Variants in CNTNAP5 observed in about 807,000 individuals in gnomAD.
CNTNAP5 encodes the protein contactin associated protein family member 5.
A neutral mutation model predicts 150.2 loss-of-function variants in CNTNAP5; 72 were observed. The observed-to-expected ratio is 0.48, with a 90% CI of 0.40 to 0.58. The LOEUF is 0.58. Among genes scored for constraint, CNTNAP5 ranks in the 20% least tolerant of loss-of-function variants. The pLI, the probability that CNTNAP5 is intolerant of heterozygous loss-of-function variation, is 0.00. For missense variants in CNTNAP5, 1,636 were observed against 1,626.2 expected (o/e 1.01, Z -0.10); for synonymous variants, 672 against 619.8 (o/e 1.08, Z -1.25).
intron 19 of CNTNAP5, among the ~76,000 whole-genome samples, chr2:124,810,120 T>C (rs1367528927): frequency 6.6e-6 from 1 of 152,200 alleles, no homozygotes. Context: ...ATATCTTTCC[T>C]GGGACTCTAC....
intron 19 of CNTNAP5, among the ~76,000 whole-genome samples, chr2:124,801,545 A>G (rs1300669457): frequency 6.6e-6 from 1 of 152,196 alleles, no homozygotes; most frequent in African/African-American, 2.4e-5. Context: ...ACAGGAGTAG[A>G]TGAGAGGAAA....
At chr2:124,338,864 G>A (rs1007675964) in intron 3 of CNTNAP5, among the ~76,000 whole-genome samples, 2 of 152,132 alleles carry the variant, frequency 1.3e-5, no homozygotes, top group Admixed American at 6.5e-5. Context: ...AAAACCAAAG[G>A]TTATGGTTGC....
At chr2:124,840,325 G>T (rs565472327) in intron 19 of CNTNAP5, among the ~76,000 whole-genome samples, 5 of 152,158 alleles carry the variant, frequency 3.3e-5, no homozygotes, top group African/African-American at 1.2e-4. Flanking sequence ...CAGTGGGAAG[G>T]CTTGGGCATT....
intron 1 of CNTNAP5, among the ~76,000 whole-genome samples, chr2:124,095,023 C>A (rs2104690091): frequency 6.6e-6 from 1 of 152,184 alleles, no homozygotes; most frequent in South Asian, 2.1e-4. Context: ...ATTTACAATC[C>A]CTTGGGTAAG....
chr2:124,122,378 T>C (rs1370815074), intron 1 of CNTNAP5, among the ~76,000 whole-genome samples: 2 of 152,240 alleles, frequency 1.3e-5, no homozygotes, highest in Non-Finnish European at 2.9e-5. Flanking sequence ...TATTGAATGA[T>C]TCTGGTAAAA....
chr2:124,070,561 C>T (rs939406252), intron 1 of CNTNAP5, among the ~76,000 whole-genome samples: 1 of 151,572 alleles, frequency 6.6e-6, no homozygotes, highest in Non-Finnish European at 1.5e-5. Flanking sequence ...TGGCATCAGA[C>T]AGAAGAGATT....
At chr2:124,395,778 TAC>T (rs1467401046) in intron 3 of CNTNAP5, among the ~76,000 whole-genome samples, 1 of 152,166 alleles carries the variant, frequency 6.6e-6, no homozygotes, top group East Asian at 1.9e-4. Flanking sequence ...TTTATATGTC[TAC>T]ACACACACGT....
chr2:124,169,836 A>G (rs1684889579), intron 1 of CNTNAP5, among the ~76,000 whole-genome samples: 1 of 152,208 alleles, frequency 6.6e-6, no homozygotes, highest in Non-Finnish European at 1.5e-5. Flanking sequence ...AGCCAGCATC[A>G]TCTGCATAGA....
chr2:124,847,464 T>C (rs1021441741), intron 19 of CNTNAP5, among the ~76,000 whole-genome samples: 5 of 152,184 alleles, frequency 3.3e-5, no homozygotes, highest in African/African-American at 9.6e-5. Flanking sequence ...CTAACTTTCA[T>C]TGTGCCCCTC....
In CNTNAP5 at chr2:124,247,156, A is replaced by T. The variant is rs114087594; in HGVS notation, c.381+4763A>T. 7.4e-3 allele frequency among the ~76,000 whole-genome samples: 1,134 copies of T among 152,258 alleles called. 13 individuals are homozygous for T. The highest frequency in any genetic ancestry group is 0.025 in the African/African-American group (1,053 of 41,544). ...TGATCTTCATGATTTATACACATTT[A>T]TTCTGCCACGTTGGGCCTAGAACAT... On this transcript the variant is annotated intron_variant, in intron 3 of 23. Coordinates refer to ENST00000682447, the MANE Select transcript of CNTNAP5 (RefSeq NM_001367498.1).
intron 1 of CNTNAP5, among the ~76,000 whole-genome samples, chr2:124,152,438 T>C (rs1684428058): frequency 6.6e-6 from 1 of 152,170 alleles, no homozygotes; most frequent in Non-Finnish European, 1.5e-5. Context: ...TGTGAACAAA[T>C]ACGTGGCAGA....
chr2:124,712,354 A>C (rs1208608289), intron 13 of CNTNAP5, among the ~76,000 whole-genome samples: 5 of 152,144 alleles, frequency 3.3e-5, no homozygotes, highest in Non-Finnish European at 7.4e-5. Context: ...AATTATTCTC[A>C]TTTTACAGCA....
chr2:124,920,863 T>G lies in CNTNAP5; in HGVS notation c.*6575T>G, dbSNP rs894427201. On this transcript the variant is annotated 3_prime_UTR_variant, in exon 24 of 24. Transcript: ENST00000682447. ...GGAATGAGAAAGAGTGGGGAGGGTA[T>G]TTCAACAAGTAATAAATTGCAGAAT... Among the ~76,000 whole-genome samples the G allele has an allele frequency of 6.6e-6, 1 of 152,082 alleles. No homozygotes were observed. The highest frequency in any genetic ancestry group is 6.6e-5 in the Admixed American group (1 of 15,262).
intron 1 of CNTNAP5, among the ~76,000 whole-genome samples, chr2:124,103,355 G>A (rs189102099): frequency 6.6e-6 from 1 of 151,378 alleles, no homozygotes; most frequent in East Asian, 1.9e-4. Flanking sequence ...ATAAGTGTAG[G>A]GTAGGCTAAG....
Position 124,675,365 on chromosome 2 carries a change from A to C in CNTNAP5, c.2077+27407A>C, listed in dbSNP as rs572571647. 6.6e-5 allele frequency among the ~76,000 whole-genome samples: 10 copies of C among 152,208 alleles called. No individual in the cohort carries two copies. In the South Asian group the frequency reaches 2.1e-3, roughly 32 times the overall value. On this transcript the variant is annotated intron_variant, in intron 13 of 23. Transcript: ENST00000682447. ...TGTGTTTGAATATGATGTATATCTC[A>C]TATAGACAACATATTCCAATCATCA...
At chr2:124,091,630 T>A (rs1682816084) in intron 1 of CNTNAP5, among the ~76,000 whole-genome samples, 1 of 152,160 alleles carries the variant, frequency 6.6e-6, no homozygotes, top group African/African-American at 2.4e-5. Context: ...GGCAGTGTTT[T>A]TCAAAAGGAA....
intron 5 of CNTNAP5, among the ~76,000 whole-genome samples, chr2:124,437,331 G>C (rs1167696553): frequency 6.6e-6 from 1 of 152,098 alleles, no homozygotes; most frequent in African/African-American, 2.4e-5. Context: ...AATATTCACA[G>C]TGTGGTAATG....
chr2:124,535,294 G>C (rs76177968), intron 10 of CNTNAP5, among the ~76,000 whole-genome samples: 1 of 152,096 alleles, frequency 6.6e-6, no homozygotes, highest in African/African-American at 2.4e-5. Context: ...CTGTTCCTGC[G>C]GTCTTTGCCT....
At chr2:124,401,429 G>A (rs1386762430) in intron 3 of CNTNAP5, among the ~76,000 whole-genome samples, 1 of 152,124 alleles carries the variant, frequency 6.6e-6, no homozygotes, top group Non-Finnish European at 1.5e-5. Flanking sequence ...AGTACTAAGT[G>A]GCTCAGACAC....
Sources: gnomAD v4.1 joint callset for allele counts (sites outside exome capture counted in the v4.1 genomes callset) on GRCh38, gnomAD v4.1.1 for gene constraint, MANE v1.5 for transcripts, NCBI Gene and HGNC (gene_info 2026-07-23, HGNC 2026-07-21) for gene names.